LHX4: variants seen among roughly 807,000 people sequenced by gnomAD.
LHX4 encodes the protein LIM homeobox 4, also known as LIM/homeobox protein Lhx4.
Under a neutral mutation model 39.2 loss-of-function variants are expected in LHX4, and 16 were observed. That is an observed-to-expected ratio of 0.41 (90% CI 0.28 to 0.62). LHX4 has a LOEUF of 0.62. Ranked by LOEUF, LHX4 falls within the 20% of genes least tolerant of loss-of-function variation. LHX4 has a pLI of 0.33. For missense variants in LHX4, 439 were observed against 511.9 expected (o/e 0.86, Z 1.37); for synonymous variants, 206 against 198.1 (o/e 1.04, Z -0.33).
At chr1:180,274,099 G>A in intron 5 of LHX4, 86 bp from the exon 6 acceptor site, 1 of 1,538,492 alleles carries the variant, frequency 6.5e-7, no homozygotes, top group Non-Finnish European at 9.0e-7. Context: ...CATCTTTCCT[G>A]GTCATGTGTG....
chr1:180,245,195 C>A (rs1042570526), intron 1 of LHX4, among the ~76,000 whole-genome samples: 1 of 152,238 alleles, frequency 6.6e-6, no homozygotes, highest in African/African-American at 2.4e-5. Context: ...GGGCACTGAA[C>A]TCAGCTCATG....
intron 2 of LHX4, among the ~76,000 whole-genome samples, chr1:180,254,832 G>A (rs978534117): frequency 1.3e-5 from 2 of 152,200 alleles, no homozygotes; most frequent in Non-Finnish European, 2.9e-5. Flanking sequence ...AAGCAGCAAG[G>A]AAGTGCTTAG....
chr1:180,258,987 G>A (rs956365676), intron 2 of LHX4, among the ~76,000 whole-genome samples: 4 of 152,078 alleles, frequency 2.6e-5, no homozygotes, highest in Non-Finnish European at 5.9e-5. Flanking sequence ...AGGGTGCGGG[G>A]GGTGTTGGTA....
intron 5 of LHX4, chr1:180,273,036 A>G (rs115230597): frequency 0.093 from 14,172 of 152,210 alleles, 872 homozygotes; most frequent in Admixed American, 0.19. Context: ...TGCTCCCTTT[A>G]AAGAGCATGA....
chr1:180,245,899 A>T (rs1210095534), intron 1 of LHX4, among the ~76,000 whole-genome samples: 1 of 151,820 alleles, frequency 6.6e-6, no homozygotes, highest in Non-Finnish European at 1.5e-5. Flanking sequence ...CTGGGTGGAA[A>T]CCCCTGTGGC....
Position 180,271,444 on chromosome 1 carries a change from A to G in LHX4, c.516A>G (p.Leu172=). 1.2e-6 allele frequency: 2 copies of G among 1,614,150 alleles called. No individual in the cohort carries two copies. The highest frequency in any genetic ancestry group is 1.7e-6 in the Non-Finnish European group (2 of 1,180,012). The part of the protein sequence containing the change: ...TTITAKQLET[L]KNAYKNSPKP... ...TCACAGCCAAGCAGCTGGAGACATTAAAGAATGCATACAAGAACTCCCCCA... is the reference window on the plus strand; with the variant it reads ...TCACAGCCAAGCAGCTGGAGACATTGAAGAATGCATACAAGAACTCCCCCA... Residue 172 remains leucine (L), a synonymous_variant, in exon 4 of 6, where the codon TTA becomes TTG. Coordinates refer to ENST00000263726, the MANE Select transcript of LHX4 (RefSeq NM_033343.4).
In LHX4 at chr1:180,278,713, G is replaced by GCAAT. The variant is rs1354340816; in HGVS notation, c.*4137_*4140dup. The GCAAT allele has an allele frequency of 7.2e-5, 11 of 151,754 alleles. No individual in the cohort carries two copies. The highest frequency in any genetic ancestry group is 2.7e-4 in the African/African-American group (11 of 41,272). 9.4% of individuals were successfully genotyped at this position (151,754 alleles called of 1,614,324 possible). ...GGATTCCAGAAGTTGCTCTGAGCTT[G>GCAAT]CAATCAGACCTCAAAGCCCCAGATC... On this transcript the variant is annotated 3_prime_UTR_variant, in exon 6 of 6. Transcript: ENST00000263726.
intron 1 of LHX4, among the ~76,000 whole-genome samples, chr1:180,245,153 C>A (rs923051448): frequency 1.3e-5 from 2 of 152,234 alleles, no homozygotes; most frequent in Admixed American, 6.5e-5. Flanking sequence ...ACCCCTCCTC[C>A]CTCAGCCTTT....
intron 2 of LHX4, among the ~76,000 whole-genome samples, chr1:180,249,480 C>T (rs1217789104): frequency 6.6e-6 from 1 of 152,208 alleles, no homozygotes; most frequent in African/African-American, 2.4e-5. Context: ...GACGCTGAGC[C>T]CTGTGTTCAG....
intron 5 of LHX4, among the ~76,000 whole-genome samples, chr1:180,272,244 G>A (rs1648715950): frequency 6.6e-6 from 1 of 152,146 alleles, no homozygotes; most frequent in African/African-American, 2.4e-5. Flanking sequence ...GCCCCGTCCT[G>A]TGGCCCCAAG....
intron 5 of LHX4, 83 bp from the exon 6 acceptor site, chr1:180,274,102 C>A: frequency 6.5e-7 from 1 of 1,547,688 alleles, no homozygotes; most frequent in South Asian, 1.1e-5. Context: ...CTTTCCTGGT[C>A]ATGTGTGTTC....
In LHX4 at chr1:180,234,515, C is replaced by T. The variant is rs1664266785; in HGVS notation, c.76+3910C>T. On this transcript the variant is annotated intron_variant, in intron 1 of 5. Transcript: ENST00000263726. This position sits in a 1 kb window ranked among gnomAD's most constrained non-coding sequence, Gnocchi z 4.8. The stretch of plus-strand genomic sequence containing the variant: ...TTGGGACAGCGGATGGCTGAGGACT[C>T]CCAAGGGGCGAGAGGGCTCCGGCCT... 6.6e-6 allele frequency among the ~76,000 whole-genome samples: 1 copy of T among 152,276 alleles called. No individual in the cohort carries two copies. The highest frequency in any genetic ancestry group is 1.9e-4 in the East Asian group (1 of 5,154).
At chr1:180,229,156 A>C (rs922529571), upstream of LHX4, among the ~76,000 whole-genome samples, 2 of 152,228 alleles carry the variant, frequency 1.3e-5, no homozygotes, top group Non-Finnish European at 2.9e-5. Context: ...TAAATACAGT[A>C]AGCATGGCAA....
intron 1 of LHX4, among the ~76,000 whole-genome samples, chr1:180,240,167 T>C (rs1192312020): frequency 6.6e-6 from 1 of 152,186 alleles, no homozygotes; most frequent in African/African-American, 2.4e-5. Flanking sequence ...ATTAATCTGG[T>C]CTCAGAGCAT....
At chr1:180,271,199 G>A (rs909275050) in intron 3 of LHX4, 181 bp from the exon 4 acceptor site, 10 of 690,848 alleles carry the variant, frequency 1.4e-5, no homozygotes, top group South Asian at 3.2e-5. Flanking sequence ...GGGAAGGCCC[G>A]TGGTGCAGGA....
chr1:180,256,732 T>A (rs1390339151), intron 2 of LHX4, among the ~76,000 whole-genome samples: 1 of 152,120 alleles, frequency 6.6e-6, no homozygotes, highest in Non-Finnish European at 1.5e-5. Context: ...AGGGGTGGCT[T>A]TTCTCTCAGT....
intron 1 of LHX4, among the ~76,000 whole-genome samples, chr1:180,240,509 A>AT (rs893627512): frequency 1.3e-4 from 19 of 151,726 alleles, no homozygotes; most frequent in Admixed American, 7.9e-4. Context: ...CTTTAGTGGA[A>AT]TTTTTTTTTC....
At chr1:180,273,862 C>G (rs1648841553) in intron 5 of LHX4, 2 of 372,282 alleles carry the variant, frequency 5.4e-6, no homozygotes, top group South Asian at 5.5e-5. Context: ...TCTGACCCAC[C>G]CAGCCTTAGG....
At chr1:180,244,804 A>G (rs1647321841) in intron 1 of LHX4, among the ~76,000 whole-genome samples, 1 of 152,184 alleles carries the variant, frequency 6.6e-6, no homozygotes, top group Non-Finnish European at 1.5e-5. Flanking sequence ...TGGGTTCTCA[A>G]AGAGTTAATT....
Sources: gnomAD v4.1 joint callset for allele counts (sites outside exome capture counted in the v4.1 genomes callset) on GRCh38, gnomAD v4.1.1 for gene constraint, Gnocchi (gnomAD v3.1) non-coding constraint, MANE v1.5 for transcripts, NCBI Gene and HGNC (gene_info 2026-07-23, HGNC 2026-07-21) for gene names.